IQGAP2: variants seen among roughly 807,000 people sequenced by gnomAD.
IQGAP2 encodes the protein ras GTPase-activating-like protein IQGAP2.
In IQGAP2, 173 loss-of-function variants were observed where a neutral mutation model predicts 201.3. The observed-to-expected ratio is 0.86, with a 90% CI of 0.76 to 0.98. The LOEUF (loss-of-function observed/expected upper bound fraction) is 0.98. IQGAP2 is among the 50% of genes least tolerant of loss of function. IQGAP2 has a pLI of 0.00. For missense variants in IQGAP2, 1,687 were observed against 1,864.8 expected, an observed-to-expected ratio of 0.90 and a Z score of 1.76; for synonymous variants, 675 against 673.9, an observed-to-expected ratio of 1.00 and a Z score of -0.03.
At chr5:76,496,765 CTTTCTTTCTTTCTT>C (rs1561416615) in intron 2 of IQGAP2, among the ~76,000 whole-genome samples, 1,020 of 72,028 alleles carry the variant, frequency 0.014, 51 homozygotes, top group African/African-American at 0.069. Flanking sequence ...TTCTTTCTTT[CTTTCTTTCTTTCTT>C]TCTTTCTTTC....
chr5:76,485,095 G>C (rs1439449651), intron 2 of IQGAP2, among the ~76,000 whole-genome samples: 1 of 152,132 alleles, frequency 6.6e-6, no homozygotes, highest in Non-Finnish European at 1.5e-5. Context: ...GTGCTGGGAG[G>C]TGTGAGCTAT....
chr5:76,426,933 T>TGTGTGTGTGTGTGTGA (rs772878589), intron 1 of IQGAP2, among the ~76,000 whole-genome samples: 13 of 151,842 alleles, frequency 8.6e-5, no homozygotes, highest in Non-Finnish European at 1.3e-4. Flanking sequence ...TGTGTGTGTG[T>TGTGTGTGTGTGTGTGA]GTGAGTGTGT....
At position 76,592,782 on chromosome 5, in the gene IQGAP2, G is replaced by A. The variant is rs531166584; in HGVS notation, c.820-56G>A. 16 of 1,129,866 alleles carry A rather than the reference G, an allele frequency of 1.4e-5. No homozygotes were observed. In the African/African-American group the frequency reaches 1.6e-4, roughly 11 times the overall value. The allele number at this position is 1,129,866 out of a possible 1,614,324, so 70.0% of individuals were successfully genotyped here. On this transcript the variant is annotated intron_variant, in intron 8 of 35. Transcript: ENST00000274364. ...CTTCACATTTTTCCATTTGAATTTC[G>A]AGTTTTGGAAATATTTTATTTAACC...
chr5:76,641,143 T>C, intron 17 of IQGAP2, 40 bp downstream of exon 17: 1 of 1,434,878 alleles, frequency 7.0e-7, no homozygotes, highest in Non-Finnish European at 9.5e-7. Context: ...AAAACTGTCA[T>C]ATCACCTGAA....
rs951154161 is a variant in IQGAP2 at position 76,702,503 on chromosome 5, T to C, written c.4527T>C (p.Asp1509=). ...ACAGGTTTAAGAATGTTACATTTGA[T>C]ATCATAGCTACTGAAGATGTAGGCA... ...QTNQFKNVTF[D]IIATEDVGIF... Residue 1509 remains aspartate (D), a synonymous_variant, in exon 35 of 36, where the codon GAT becomes GAC. Transcript: ENST00000274364. 6.4e-7 allele frequency: 1 copy of C among 1,557,278 alleles called. No homozygotes were observed. Among genetic ancestry groups the C allele is most frequent in the Non-Finnish European group, 8.9e-7 (1 of 1,128,394 alleles).
chr5:76,548,795 G>A (rs1163223092), intron 2 of IQGAP2, among the ~76,000 whole-genome samples: 1 of 152,238 alleles, frequency 6.6e-6, no homozygotes, highest in Non-Finnish European at 1.5e-5. Context: ...TATCAGTAGA[G>A]TGGGAGTCTC....
chr5:76,446,377 T>A (rs916841373), intron 1 of IQGAP2, among the ~76,000 whole-genome samples: 1 of 152,198 alleles, frequency 6.6e-6, no homozygotes, highest in Non-Finnish European at 1.5e-5. Flanking sequence ...TTTTTTAATA[T>A]GTAAAATTAT....
At chr5:76,576,250 A>G (rs1391945168) in intron 5 of IQGAP2, among the ~76,000 whole-genome samples, 1 of 152,212 alleles carries the variant, frequency 6.6e-6, no homozygotes, top group Non-Finnish European at 1.5e-5. Context: ...GTTCAATAGA[A>G]TTTGTACCCT....
At chr5:76,502,214 G>T (rs73766934) in intron 2 of IQGAP2, among the ~76,000 whole-genome samples, 116 of 152,284 alleles carry the variant, frequency 7.6e-4, no homozygotes, top group African/African-American at 2.7e-3. Context: ...AGTCACTGTG[G>T]CATCCTTGGG....
intron 2 of IQGAP2, among the ~76,000 whole-genome samples, chr5:76,487,663 G>T (rs1406147368): frequency 1.3e-5 from 2 of 152,138 alleles, no homozygotes; most frequent in Non-Finnish European, 2.9e-5. Context: ...TCAGGCACAT[G>T]TATGTGCTTT....
At chr5:76,469,044 T>C (rs1561394997) in intron 2 of IQGAP2, among the ~76,000 whole-genome samples, 1 of 152,200 alleles carries the variant, frequency 6.6e-6, no homozygotes, top group Non-Finnish European at 1.5e-5. Flanking sequence ...ATTTTGGATG[T>C]TGGAGGTAAC....
intron 32 of IQGAP2, among the ~76,000 whole-genome samples, 169 bp downstream of exon 32, chr5:76,695,835 C>CTTTT (rs56984768): frequency 0.024 from 2,035 of 83,068 alleles, 120 homozygotes; most frequent in African/African-American, 0.048. Context: ...CAGTTGATGA[C>CTTTT]TTTTTTTTTT....
intron 12 of IQGAP2, among the ~76,000 whole-genome samples, chr5:76,608,427 A>G: frequency 6.6e-6 from 1 of 152,116 alleles, no homozygotes; most frequent in East Asian, 1.9e-4. Context: ...ATTGAGTTTG[A>G]TATCATGTTT....
At chr5:76,584,426 G>C (rs1359813267) in intron 5 of IQGAP2, among the ~76,000 whole-genome samples, 1 of 152,160 alleles carries the variant, frequency 6.6e-6, no homozygotes, top group African/African-American at 2.4e-5. Flanking sequence ...GATTGACTGA[G>C]AAACAAACTG....
At chr5:76,416,684 C>T (rs918451531) in intron 1 of IQGAP2, among the ~76,000 whole-genome samples, 2 of 152,104 alleles carry the variant, frequency 1.3e-5, no homozygotes, top group Admixed American at 1.3e-4. Flanking sequence ...CATGCCACCA[C>T]GCGTGGCTAA....
intron 9 of IQGAP2, among the ~76,000 whole-genome samples, chr5:76,594,048 ATTGCCT>A (rs1746845485): frequency 6.6e-6 from 1 of 152,192 alleles, no homozygotes; most frequent in African/African-American, 2.4e-5. Context: ...AAAACTCTCA[ATTGCCT>A]TTATTTTTTT....
chr5:76,494,587 A>G (rs879547219), intron 2 of IQGAP2, among the ~76,000 whole-genome samples: 33 of 152,270 alleles, frequency 2.2e-4, no homozygotes, highest in Non-Finnish European at 2.5e-4. Flanking sequence ...AAATAAAAGC[A>G]CATGATAGAA....
chr5:76,511,699 G>C (rs77201054), intron 2 of IQGAP2, among the ~76,000 whole-genome samples: 10 of 77,968 alleles, frequency 1.3e-4, no homozygotes, highest in South Asian at 4.1e-4. Context: ...TTTTTTTTTT[G>C]AGACGGAGTC....
chr5:76,693,212 A>G, intron 30 of IQGAP2, 143 bp from the exon 31 acceptor site: 1 of 580,028 alleles, frequency 1.7e-6, no homozygotes, highest in Non-Finnish European at 3.1e-6. Flanking sequence ...AGACCTGGTG[A>G]ATATCCGCAA....
Sources: gnomAD v4.1 joint callset for allele counts (sites outside exome capture counted in the v4.1 genomes callset) on GRCh38, gnomAD v4.1.1 for gene constraint, MANE v1.5 for transcripts, NCBI Gene and HGNC (gene_info 2026-07-23, HGNC 2026-07-21) for gene names.